The following CFAP299 variants were observed in gnomAD, a reference collection of about 807,000 sequenced individuals.
The protein encoded by CFAP299 is cilia and flagella associated protein 299.
A neutral mutation model predicts 27.0 loss-of-function variants in CFAP299; 21 were observed. The observed-to-expected ratio is 0.78, with a 90% CI of 0.55 to 1.12. The LOEUF is 1.12. Ranked by LOEUF, CFAP299 falls within the 50% of genes most tolerant of loss-of-function variation. The pLI, the probability that CFAP299 is intolerant of heterozygous loss-of-function variation, is 0.00. For missense variants in CFAP299, 310 were observed against 276.6 expected (o/e 1.12, Z -0.86); for synonymous variants, 104 against 98.1 (o/e 1.06, Z -0.36).
At chr4:80,934,172 T>C (rs1288643508) in intron 4 of CFAP299, among the ~76,000 whole-genome samples, 1 of 152,120 alleles carries the variant, frequency 6.6e-6, no homozygotes, top group Non-Finnish European at 1.5e-5. Context: ...TTTTTTTGCA[T>C]CTGTGGAGAT....
At chr4:80,862,030 A>C (rs1294499622) in intron 3 of CFAP299, among the ~76,000 whole-genome samples, 1 of 152,192 alleles carries the variant, frequency 6.6e-6, no homozygotes, top group Non-Finnish European at 1.5e-5. Flanking sequence ...ACTAATATTG[A>C]GACAAGATAT....
At chr4:80,635,232 G>T (rs1349530674) in intron 3 of CFAP299, among the ~76,000 whole-genome samples, 1 of 151,986 alleles carries the variant, frequency 6.6e-6, no homozygotes, top group African/African-American at 2.4e-5. Flanking sequence ...AGCTTATCTG[G>T]AATTTAATAC....
At chr4:80,633,887 T>G (rs1473845471) in intron 3 of CFAP299, among the ~76,000 whole-genome samples, 1 of 152,248 alleles carries the variant, frequency 6.6e-6, no homozygotes, top group African/African-American at 2.4e-5. Context: ...TTTTCCCTCT[T>G]TAAGCATTTT....
chr4:80,716,935 G>T (rs561891694), intron 3 of CFAP299, among the ~76,000 whole-genome samples: 4 of 151,982 alleles, frequency 2.6e-5, no homozygotes, highest in African/African-American at 9.7e-5. Flanking sequence ...TGATTTTCTG[G>T]TGTCTACTTC....
chr4:80,651,144 T>G (rs1740255739), intron 3 of CFAP299, among the ~76,000 whole-genome samples: 1 of 152,130 alleles, frequency 6.6e-6, no homozygotes, highest in South Asian at 2.1e-4. Context: ...CCATTTAGGT[T>G]GCAAATATTT....
chr4:80,591,269 G>T (rs1460065035), intron 3 of CFAP299, among the ~76,000 whole-genome samples: 2 of 149,172 alleles, frequency 1.3e-5, no homozygotes, highest in Admixed American at 6.7e-5. Context: ...GACTACAGGC[G>T]CCCGCCACTA....
chr4:80,572,043 C>G (rs929486934), intron 2 of CFAP299, among the ~76,000 whole-genome samples: 1 of 151,860 alleles, frequency 6.6e-6, no homozygotes, highest in African/African-American at 2.4e-5. Context: ...ATTCTTTTTT[C>G]TTTTTAATGT....
At chr4:80,472,495 G>A (rs1045497141) in intron 2 of CFAP299, among the ~76,000 whole-genome samples, 1 of 152,144 alleles carries the variant, frequency 6.6e-6, no homozygotes, top group African/African-American at 2.4e-5. Context: ...CTATATTCTG[G>A]TATAGTGAGT....
intron 3 of CFAP299, among the ~76,000 whole-genome samples, chr4:80,757,698 G>GT (rs1000084827): frequency 2.3e-4 from 34 of 148,816 alleles, no homozygotes; most frequent in Non-Finnish European, 4.2e-4. Flanking sequence ...CAGGTTTTTT[G>GT]TTTTTTTTGT....
intron 2 of CFAP299, among the ~76,000 whole-genome samples, chr4:80,447,370 C>T (rs1199631515): frequency 2.0e-4 from 30 of 151,242 alleles, no homozygotes; most frequent in Non-Finnish European, 2.7e-4. Context: ...CTCCTGACCT[C>T]GTGATCCGCC....
intron 4 of CFAP299, among the ~76,000 whole-genome samples, chr4:80,937,298 C>CTTTTTTTTTTTTTTTTTTTTT: frequency 1.1e-5 from 1 of 94,358 alleles, no homozygotes; most frequent in South Asian, 3.8e-4. Flanking sequence ...TTTCTTTTTT[C>CTTTTTTTTTTTTTTTTTTTTT]TTTTTTTTTC....
At position 80,796,893 on chromosome 4, in the gene CFAP299, A is replaced by G. The variant is rs142759838; in HGVS notation, c.334-73100A>G. 1.1e-3 allele frequency among the ~76,000 whole-genome samples: 166 copies of G among 152,294 alleles called. 1 individual carries two copies. The highest frequency in any genetic ancestry group is 3.7e-3 in the African/African-American group (153 of 41,562). On this transcript the variant is annotated intron_variant, in intron 3 of 5. Transcript: ENST00000358105. ...TCTCACCCTACCAGTTAGGGAACCAATGTGGGCATTCTGTCATCTGCTAAG... is the reference window on the plus strand; with the variant it reads ...TCTCACCCTACCAGTTAGGGAACCAGTGTGGGCATTCTGTCATCTGCTAAG...
intron 2 of CFAP299, among the ~76,000 whole-genome samples, chr4:80,503,000 A>G (rs1731816276): frequency 6.6e-6 from 1 of 152,104 alleles, no homozygotes; most frequent in Non-Finnish European, 1.5e-5. Context: ...TTCCCTAAGG[A>G]GCTGATACTT....
chr4:80,574,189 C>G (rs1224849808), intron 2 of CFAP299, among the ~76,000 whole-genome samples: 1 of 151,582 alleles, frequency 6.6e-6, no homozygotes, highest in Non-Finnish European at 1.5e-5. Context: ...TGGTTAATTC[C>G]TAAGTATTTA....
chr4:80,823,703 C>T (rs550502737), intron 3 of CFAP299, among the ~76,000 whole-genome samples: 8 of 152,132 alleles, frequency 5.3e-5, no homozygotes, highest in South Asian at 2.1e-4. Flanking sequence ...CCTGGTACTA[C>T]GTTAAGTACT....
At chr4:80,712,210 A>G (rs202211519) in intron 3 of CFAP299, among the ~76,000 whole-genome samples, 1 of 152,186 alleles carries the variant, frequency 6.6e-6, no homozygotes, top group Non-Finnish European at 1.5e-5. Context: ...TTACTGTCCA[A>G]CAGCCATACT....
At chr4:80,536,415 T>C (rs747559941) in intron 2 of CFAP299, among the ~76,000 whole-genome samples, 22 of 152,238 alleles carry the variant, frequency 1.4e-4, no homozygotes, top group Non-Finnish European at 2.8e-4. Context: ...AAAGCAATCT[T>C]GAGCAAAAGG....
chr4:80,663,777 C>T (rs1740992282), intron 3 of CFAP299, among the ~76,000 whole-genome samples: 1 of 152,182 alleles, frequency 6.6e-6, no homozygotes, highest in Non-Finnish European at 1.5e-5. Flanking sequence ...TCCTATTTCT[C>T]CACATTCTCT....
At chr4:80,427,242 T>A (rs1055573744) in intron 2 of CFAP299, among the ~76,000 whole-genome samples, 1 of 152,224 alleles carries the variant, frequency 6.6e-6, no homozygotes, top group African/African-American at 2.4e-5. Flanking sequence ...TTTAACCATA[T>A]AATTCCTTTC....
Sources: gnomAD v4.1 joint callset for allele counts (sites outside exome capture counted in the v4.1 genomes callset) on GRCh38, gnomAD v4.1.1 for gene constraint, MANE v1.5 for transcripts, NCBI Gene and HGNC (gene_info 2026-07-23, HGNC 2026-07-21) for gene names.